PP2D1: variants seen among roughly 807,000 people sequenced by gnomAD.
PP2D1 encodes protein phosphatase 2C like domain containing 1, also known as protein phosphatase 2C-like domain-containing protein 1.
In PP2D1, 25 loss-of-function variants were observed where a neutral mutation model predicts 30.2. That is an observed-to-expected ratio of 0.83 (90% CI 0.60 to 1.16). The LOEUF (loss-of-function observed/expected upper bound fraction) is 1.16. Among genes scored for constraint, PP2D1 ranks in the 50% most tolerant of loss-of-function variants. PP2D1 has a pLI of 0.00. For synonymous variants in PP2D1, 260 were observed against 258.9 expected, an observed-to-expected ratio of 1.00 and a Z score of -0.04; for missense variants, 760 against 742.4, an observed-to-expected ratio of 1.02 and a Z score of -0.28.
downstream of PP2D1, among the ~76,000 whole-genome samples, chr3:19,980,866 C>A (rs75236338): frequency 5.0e-4 from 76 of 152,334 alleles, no homozygotes; most frequent in African/African-American, 1.8e-3. Context: ...CTCCCAAATC[C>A]ATTGCCCAAC....
downstream of PP2D1, chr3:19,984,545 A>T (rs1278844054): frequency 5.6e-6 from 1 of 179,108 alleles, no homozygotes; most frequent in African/African-American, 2.4e-5. Context: ...AAAATGAAAT[A>T]AACCAGGTGT....
intron 1 of PP2D1, 85 bp downstream of exon 1, chr3:20,011,961 ATAAT>A (rs1417712090): frequency 4.0e-6 from 4 of 1,008,020 alleles, no homozygotes; most frequent in African/African-American, 1.6e-5. Flanking sequence ...GTTTCATCTG[ATAAT>A]TAAGAAAGTG....
chr3:19,985,451 C>A lies in PP2D1; in HGVS notation c.1822G>T (p.Ala608Ser), dbSNP rs1025641215. ...SHELVNAALL[A>S]GSRDNITVMV... ...ACTGTAATGTTGTCTCTGGAGCCAGCCAGTAAAGCAGCATTTACAAGTTCA... is the reference window on the plus strand; with the variant it reads ...ACTGTAATGTTGTCTCTGGAGCCAGACAGTAAAGCAGCATTTACAAGTTCA... The change falls in exon 3 of 3, where the codon GCT (alanine) becomes TCT (serine). Residue 608 changes from alanine (A) to serine (S), a missense_variant. This residue lies in a region of PP2D1 where 369 missense variants were observed against 316.2 expected (regional missense o/e 1.17). Coordinates refer to ENST00000389050, the MANE Select transcript of PP2D1 (RefSeq NM_001252657.2). 1.5e-5 allele frequency: 23 copies of A among 1,536,056 alleles called. 1 individual carries two copies. In the East Asian group the frequency reaches 5.6e-4, roughly 38 times the overall value.
At chr3:19,992,556 A>G (rs1241363609) in intron 2 of PP2D1, among the ~76,000 whole-genome samples, 1 of 152,204 alleles carries the variant, frequency 6.6e-6, no homozygotes. Flanking sequence ...AATCACATCT[A>G]GAGAAGAAAG....
At chr3:20,009,953 G>A (rs748952764) in intron 1 of PP2D1, among the ~76,000 whole-genome samples, 6 of 151,884 alleles carry the variant, frequency 4.0e-5, no homozygotes, top group Non-Finnish European at 7.4e-5. Context: ...CCTCACCAAC[G>A]ATTTTTTTTT....
downstream of PP2D1, among the ~76,000 whole-genome samples, chr3:19,983,518 A>C (rs571294767): frequency 3.6e-4 from 54 of 152,104 alleles, no homozygotes; most frequent in Non-Finnish European, 7.2e-4. Flanking sequence ...TACCCCAGAA[A>C]TCAAACTCCC....
intron 2 of PP2D1, among the ~76,000 whole-genome samples, chr3:19,992,970 C>A (rs60255931): frequency 0.16 from 24,834 of 151,922 alleles, 1,967 homozygotes; most frequent in South Asian, 0.2. Flanking sequence ...GGGTTCCAGG[C>A]TGCAGTATCC....
At chr3:19,996,684 A>G (rs1035890423) in intron 2 of PP2D1, 3 of 152,090 alleles carry the variant, frequency 2.0e-5, no homozygotes, top group African/African-American at 7.2e-5. Flanking sequence ...AAAATCCTCA[A>G]CAAAATACTA....
At chr3:20,007,433 G>A (rs1697333134) in intron 1 of PP2D1, among the ~76,000 whole-genome samples, 2 of 152,014 alleles carry the variant, frequency 1.3e-5, no homozygotes, top group Non-Finnish European at 2.9e-5. Context: ...GGAGGAAAAA[G>A]CATGTAACTT....
downstream of PP2D1, among the ~76,000 whole-genome samples, chr3:19,981,076 C>T (rs565929730): frequency 9.2e-5 from 14 of 152,268 alleles, no homozygotes; most frequent in African/African-American, 3.1e-4. Context: ...TGATAGAGAT[C>T]AGTGTGTGCA....
intron 2 of PP2D1, among the ~76,000 whole-genome samples, chr3:19,995,747 T>A (rs1360701505): frequency 6.6e-6 from 1 of 152,200 alleles, no homozygotes; most frequent in Non-Finnish European, 1.5e-5. Context: ...TAGAGACATA[T>A]ATGATTTTTT....
In PP2D1 at chr3:19,985,397, A is replaced by G. The variant is rs375094396; in HGVS notation, c.1876T>C (p.Tyr626His). 1.1e-4 allele frequency: 165 copies of G among 1,529,628 alleles called. No homozygotes were observed. The African/African-American group carries it at 2.1e-3, about 20-fold the overall frequency. 94.8% of individuals were successfully genotyped at this position (1,529,628 alleles called of 1,614,324 possible). ...TTATTTTTTTATGTCAGAAGCTGATATTCACTTCCATTGAGAAATATTACC... is the reference window on the plus strand; with the variant it reads ...TTATTTTTTTATGTCAGAAGCTGATGTTCACTTCCATTGAGAAATATTACC... Reference protein sequence around the residue: ...VMVIFLNGSEYQLLT With the variant: ...VMVIFLNGSEHQLLT The change falls in exon 3 of 3, where the codon TAT (tyrosine) becomes CAT (histidine). Residue 626 changes from tyrosine (Y) to histidine (H), a missense_variant. By Grantham distance (83) the Tyr-to-His change is moderately conservative. Around this residue, in one of 3 missense-constraint regions of PP2D1, gnomAD observed 369 missense variants for 316.2 expected, o/e 1.17. Coordinates refer to ENST00000389050, the MANE Select transcript of PP2D1 (RefSeq NM_001252657.2).
downstream of PP2D1, chr3:19,983,649 T>C (rs942653817): frequency 4.4e-6 from 5 of 1,134,760 alleles, no homozygotes; most frequent in Admixed American, 3.9e-5. Context: ...GATAAGCAGG[T>C]GAAACTGATA....
chr3:20,012,108 A>G lies in PP2D1; in HGVS notation c.-36T>C, dbSNP rs896322770. On this transcript the variant is annotated 5_prime_UTR_variant, in exon 1 of 3. It removes the in-frame stop codon of an upstream open reading frame in the 5' UTR. Coordinates refer to ENST00000389050, the MANE Select transcript of PP2D1 (RefSeq NM_001252657.2). Reference sequence around the variant, plus strand: ...AATTACCTTTCTTTGCCCTCCCTTTATCCCCTTCCCCTGGCCTCTATTTCT... The same window carrying G: ...AATTACCTTTCTTTGCCCTCCCTTTGTCCCCTTCCCCTGGCCTCTATTTCT... The G allele has an allele frequency of 9.9e-6, 15 of 1,515,948 alleles. No individual in the cohort carries two copies. The highest frequency in any genetic ancestry group is 1.2e-5 in the Non-Finnish European group (14 of 1,130,540). The allele number at this position is 1,515,948 out of a possible 1,614,324, so 93.9% of individuals were successfully genotyped here.
chr3:20,011,088 G>T lies in PP2D1; in HGVS notation c.23+962C>A, dbSNP rs552637617. ...TGATGAGACCTAAGAAAATGACCTAGGAAAACTCACAGCTGAGACATATTA... is the reference window on the plus strand; with the variant it reads ...TGATGAGACCTAAGAAAATGACCTATGAAAACTCACAGCTGAGACATATTA... On this transcript the variant is annotated intron_variant, in intron 1 of 2. Coordinates refer to ENST00000389050, the MANE Select transcript of PP2D1 (RefSeq NM_001252657.2). Among the ~76,000 whole-genome samples, 7 of 152,104 alleles carry T rather than the reference G, an allele frequency of 4.6e-5. No individual in the cohort carries two copies. The East Asian group carries it at 1.4e-3, about 29-fold the overall frequency.
chr3:20,008,055 G>T, intron 1 of PP2D1: 1 of 167,086 alleles, frequency 6.0e-6, no homozygotes. Flanking sequence ...ATTTTACTAA[G>T]CTCAGTTCTT....
intron 2 of PP2D1, among the ~76,000 whole-genome samples, chr3:19,988,409 G>A (rs1007535368): frequency 3.9e-5 from 6 of 152,126 alleles, no homozygotes; most frequent in Non-Finnish European, 5.9e-5. Context: ...GGCCTTTTAG[G>A]ATGAGGAAAT....
downstream of PP2D1, among the ~76,000 whole-genome samples, chr3:19,980,761 T>C (rs527530607): frequency 4.1e-4 from 62 of 152,274 alleles, no homozygotes; most frequent in African/African-American, 1.5e-3. Context: ...GACTGGAGAT[T>C]TACCATTATA....
downstream of PP2D1, among the ~76,000 whole-genome samples, chr3:19,983,358 A>AAG (rs1553640231): frequency 6.6e-6 from 1 of 151,682 alleles, no homozygotes; most frequent in Non-Finnish European, 1.5e-5. Flanking sequence ...AAAAAAAAAA[A>AAG]AAAAAGAAGT....
Sources: allele counts gnomAD v4.1 joint callset (sites outside exome capture counted in the v4.1 genomes callset), GRCh38; gene constraint gnomAD v4.1.1; regional missense constraint gnomAD v4.1.1; transcripts MANE v1.5; gene names NCBI Gene and HGNC (gene_info 2026-07-23, HGNC 2026-07-21).